The following TBCD variants were observed in gnomAD, a reference collection of about 807,000 sequenced individuals.
TBCD encodes tubulin-specific chaperone D.
In TBCD, 105 loss-of-function variants were observed where a neutral mutation model predicts 169.3. That is an observed-to-expected ratio of 0.62 (90% CI 0.53 to 0.73). The LOEUF is 0.73. Ranked by LOEUF, TBCD falls within the 30% of genes least tolerant of loss-of-function variation. TBCD has a pLI of 0.00. For synonymous variants in TBCD, 700 were observed against 643.9 expected (o/e 1.09, Z -1.32); for missense variants, 1,444 against 1,600.1 (o/e 0.90, Z 1.66).
chr17:82,883,121 TC>T (rs1393115525), intron 14 of TBCD, among the ~76,000 whole-genome samples: 11 of 152,360 alleles, frequency 7.2e-5, no homozygotes, highest in African/African-American at 2.2e-4. Context: ...CCCGTGCATG[TC>T]CCCGGCGTCC....
chr17:82,927,050 G>C (rs2061818426), intron 28 of TBCD, 136 bp from the exon 29 acceptor site: 2 of 1,240,936 alleles, frequency 1.6e-6, no homozygotes, highest in Admixed American at 5.1e-5. Flanking sequence ...GGAGCTCTGT[G>C]TTTCTGATCT....
chr17:82,900,351 T>G (rs1437028463), intron 17 of TBCD, among the ~76,000 whole-genome samples: 2 of 152,220 alleles, frequency 1.3e-5, no homozygotes, highest in Non-Finnish European at 2.9e-5. Flanking sequence ...TTGTGTGTGT[T>G]GTTGCTGAGT....
intron 6 of TBCD, among the ~76,000 whole-genome samples, chr17:82,773,227 A>C (rs571750522): frequency 6.6e-6 from 1 of 152,300 alleles, no homozygotes; most frequent in East Asian, 1.9e-4. Flanking sequence ...ATGCAGCGTC[A>C]CCTTCACTCG....
chr17:82,841,548 G>A (rs1439422763), intron 13 of TBCD, among the ~76,000 whole-genome samples: 1 of 151,770 alleles, frequency 6.6e-6, no homozygotes, highest in Non-Finnish European at 1.5e-5. Flanking sequence ...AATTTTTTTT[G>A]GTGGCTTTTG....
chr17:82,859,658 C>T, intron 13 of TBCD: 1 of 985,402 alleles, frequency 1.0e-6, no homozygotes, highest in South Asian at 4.7e-5. Context: ...GAATTGTGGA[C>T]AGGCTCCTGA....
intron 4 of TBCD, among the ~76,000 whole-genome samples, chr17:82,766,596 C>T (rs188505663): frequency 6.6e-6 from 1 of 151,946 alleles, no homozygotes; most frequent in East Asian, 1.9e-4. Context: ...AAAATTATGC[C>T]TAGGTGTAGT....
rs570058969 is a variant in TBCD, at chr17:82,813,939, C to T, written c.1224-901C>T. The stretch of plus-strand genomic sequence containing the variant: ...GGCGGACAGGCACTCTCCGATTTTC[C>T]TAAGTATTCTTGTCCATACTGATTG... On this transcript the variant is annotated intron_variant, in intron 12 of 38. Transcript: ENST00000355528. Among the ~76,000 whole-genome samples, 103 of 152,300 alleles carry T rather than the reference C, an allele frequency of 6.8e-4. 1 individual carries two copies. The South Asian group carries it at 0.021, about 31-fold the overall frequency.
chr17:82,858,759 G>T, intron 13 of TBCD: 3 of 619,904 alleles, frequency 4.8e-6, no homozygotes, highest in Non-Finnish European at 6.0e-6. Flanking sequence ...GGGCCTGTCG[G>T]TGTGAACGGG....
intron 32 of TBCD, 175 bp downstream of exon 32, chr17:82,929,675 C>A: frequency 1.1e-6 from 1 of 881,356 alleles, no homozygotes. Flanking sequence ...ACCCAGGAGG[C>A]TTAGGGCCTG....
At chr17:82,892,345 A>G (rs2059200600) in intron 16 of TBCD, among the ~76,000 whole-genome samples, 1 of 151,940 alleles carries the variant, frequency 6.6e-6, no homozygotes, top group Admixed American at 6.6e-5. Context: ...GTGAGCCGCA[A>G]CAGCTCCACC....
rs148428063 is a variant in TBCD, at chr17:82,831,769, C to T, written c.1318+16835C>T. The T allele has an allele frequency of 4.3e-5, 70 of 1,614,110 alleles. No individual in the cohort carries two copies. In the East Asian group the frequency reaches 1.3e-3, roughly 31 times the overall value. ...GGGGTGCATGTAAGGGGAAATGGCC[C>T]CAAGCCCCTTTGTAGATGAGATTTT... On this transcript the variant is annotated intron_variant, in intron 13 of 38. Coordinates refer to ENST00000355528, the MANE Select transcript of TBCD (RefSeq NM_005993.5). This position sits in a 1 kb window ranked among gnomAD's most constrained non-coding sequence, Gnocchi z 4.6.
At chr17:82,809,534 G>A (rs1345634295) in intron 11 of TBCD, among the ~76,000 whole-genome samples, 174 bp from the exon 12 acceptor site, 1 of 152,184 alleles carries the variant, frequency 6.6e-6, no homozygotes, top group African/African-American at 2.4e-5. Flanking sequence ...CCTTTACCCT[G>A]CAGCGTGTTT....
chr17:82,898,627 C>T (rs748994182), intron 17 of TBCD, among the ~76,000 whole-genome samples: 2 of 6,254 alleles, frequency 3.2e-4, no homozygotes, highest in African/African-American at 7.5e-4. Context: ...AGATCAGTTG[C>T]GGTTGTTTTT....
chr17:82,926,820 G>A, intron 28 of TBCD: 2 of 505,862 alleles, frequency 4.0e-6, no homozygotes, highest in Non-Finnish European at 3.5e-6. Flanking sequence ...CGCACCTGGG[G>A]CCACGCCATA....
intron 6 of TBCD, among the ~76,000 whole-genome samples, chr17:82,779,668 G>C (rs1004639030): frequency 6.6e-6 from 1 of 152,224 alleles, no homozygotes; most frequent in African/African-American, 2.4e-5. Context: ...TTGTCCCCAC[G>C]GAAGCATGGA....
intron 13 of TBCD, chr17:82,840,003 C>G (rs149960076): frequency 1.3e-5 from 2 of 152,576 alleles, no homozygotes; most frequent in East Asian, 3.9e-4. Context: ...TACCTGTTCT[C>G]ACGCTTGCTG....
chr17:82,791,199 C>T (rs889459830), intron 7 of TBCD, among the ~76,000 whole-genome samples: 2 of 150,152 alleles, frequency 1.3e-5, no homozygotes, highest in East Asian at 3.9e-4. Context: ...TCACGCCATT[C>T]TCCTGGCTCA....
At chr17:82,764,233 G>T (rs890835592) in intron 3 of TBCD, among the ~76,000 whole-genome samples, 171 bp downstream of exon 3, 5 of 152,212 alleles carry the variant, frequency 3.3e-5, no homozygotes, top group African/African-American at 9.6e-5. Flanking sequence ...AGTGATGTGG[G>T]CTCTTTGGCT....
At position 82,831,666 on chromosome 17, in the gene TBCD, C is replaced by T. The variant is rs528607524; in HGVS notation, c.1318+16732C>T. 3.0e-4 allele frequency: 482 copies of T among 1,614,096 alleles called. 9 individuals carry two copies. In the South Asian group the frequency reaches 5.0e-3, roughly 17 times the overall value. ...GGGGTGCGTCACACTCAGGCGAGCT[C>T]CCAGCCAGCAGGTAAGGCGAGTAGA... On this transcript the variant is annotated intron_variant, in intron 13 of 38. Coordinates refer to ENST00000355528, the MANE Select transcript of TBCD (RefSeq NM_005993.5). This position sits in a 1 kb window ranked among gnomAD's most constrained non-coding sequence, Gnocchi z 4.6.
Sources: gnomAD v4.1 joint callset for allele counts (sites outside exome capture counted in the v4.1 genomes callset) on GRCh38, gnomAD v4.1.1 for gene constraint, Gnocchi (gnomAD v3.1) non-coding constraint, MANE v1.5 for transcripts, NCBI Gene and HGNC (gene_info 2026-07-23, HGNC 2026-07-21) for gene names.